SLC45A1: variants seen among roughly 807,000 people sequenced by gnomAD.
SLC45A1 encodes the protein solute carrier family 45 member 1, also known as proton-associated sugar transporter A.
In SLC45A1, 28 loss-of-function variants were observed where a neutral mutation model predicts 57.6. That is an observed-to-expected ratio of 0.49 (90% CI 0.36 to 0.67). SLC45A1 has a LOEUF of 0.67. Among genes scored for constraint, SLC45A1 ranks in the 30% least tolerant of loss-of-function variants. SLC45A1 has a pLI of 0.00. For missense variants in SLC45A1, 814 were observed against 1,041.5 expected (o/e 0.78, Z 3.01); for synonymous variants, 459 against 471.5 (o/e 0.97, Z 0.34).
chr1:8,337,669 C>T (rs1640662754), intron 6 of SLC45A1, 147 bp from the exon 7 acceptor site: 4 of 660,976 alleles, frequency 6.1e-6, no homozygotes, highest in Admixed American at 3.1e-5. Flanking sequence ...CCGCCCGCCT[C>T]AGCCTCCCAA....
At chr1:8,341,093 G>A (rs1254108106) in intron 8 of SLC45A1, among the ~76,000 whole-genome samples, 3 of 151,786 alleles carry the variant, frequency 2.0e-5, no homozygotes. Flanking sequence ...TCGGGAGGCT[G>A]AGGCAGGAGA....
rs565088190 is a variant in SLC45A1 at position 8,330,446 on chromosome 1, C to T, written c.953C>T (p.Pro318Leu). Residue 318 changes from proline to leucine, a missense_variant, in exon 5 of 9, where the codon CCA (proline) becomes CTA (leucine). By Grantham distance (98) the Pro-to-Leu change is moderately conservative. Transcript: ENST00000471889. The surrounding 1 kb of genome is among the most constrained non-coding windows in gnomAD (Gnocchi z 8.4). ...LPLPPSPPVL[P>L]EEGPGDSLPS... is the part of the protein sequence containing the mutation. ...CTGCCCCCGTCCCCACCCGTCCTGC[C>T]AGAGGAAGGCCCTGGCGACAGCCTC... The T allele has an allele frequency of 1.1e-5, 18 of 1,611,876 alleles. No individual in the cohort carries two copies. The East Asian group carries it at 4.0e-4, about 36-fold the overall frequency.
chr1:8,329,405 C>T (rs778303769), intron 4 of SLC45A1, among the ~76,000 whole-genome samples: 31 of 152,228 alleles, frequency 2.0e-4, no homozygotes, highest in Non-Finnish European at 4.6e-4. Flanking sequence ...AACACCGGAT[C>T]CCTGATGGGG....
chr1:8,335,655 T>A lies in SLC45A1; in HGVS notation c.1597+65T>A. 6.7e-7 allele frequency: 1 copy of A among 1,488,626 alleles called. No individual in the cohort carries two copies. The highest frequency in any genetic ancestry group is 8.9e-7 in the Non-Finnish European group (1 of 1,118,514). 92.2% of individuals were successfully genotyped at this position (1,488,626 alleles called of 1,614,324 possible). ...GCTCAGGGCTCTCGCCCCACTGGCCTCCCAGGATGCCCCTGAGCCTCCCTT... is the reference window on the plus strand; with the variant it reads ...GCTCAGGGCTCTCGCCCCACTGGCCACCCAGGATGCCCCTGAGCCTCCCTT... On this transcript the variant is annotated intron_variant, in intron 6 of 8. Transcript: ENST00000471889. This position sits in a 1 kb window ranked among gnomAD's most constrained non-coding sequence, Gnocchi z 4.1.
chr1:8,343,801 C>G lies in SLC45A1; in HGVS notation c.2035C>G (p.Leu679Val). The part of the protein sequence containing the change: ...TRRGMGVDIS[L>V]LSCQYFLAQI... ...GCGGGGCATGGGCGTGGACATCTCT[C>G]TGCTGAGCTGCCAGTACTTCCTGGC... The change falls in exon 9 of 9, where the codon CTG becomes GTG. Residue 679 changes from leucine (L) to valine (V), a missense_variant. By Grantham distance (32) the Leu-to-Val change is conservative. Transcript: ENST00000471889. This position sits in a 1 kb window ranked among gnomAD's most constrained non-coding sequence, Gnocchi z 7.7. 1 of 1,614,144 alleles carries G rather than the reference C, an allele frequency of 6.2e-7. No homozygotes were observed. Among genetic ancestry groups the G allele is most frequent in the South Asian group, 1.1e-5 (1 of 91,080 alleles).
chr1:8,340,432 G>A (rs1640774493), intron 8 of SLC45A1, among the ~76,000 whole-genome samples: 1 of 152,140 alleles, frequency 6.6e-6, no homozygotes, highest in African/African-American at 2.4e-5. Context: ...AAAGTGCTGG[G>A]ATTACAGGCG....
chr1:8,340,651 C>T (rs185447014), intron 8 of SLC45A1, among the ~76,000 whole-genome samples: 147 of 152,274 alleles, frequency 9.7e-4, no homozygotes, highest in Admixed American at 1.3e-3. Flanking sequence ...TTATCACCTC[C>T]CCTTGTTCCT....
At position 8,325,937 on chromosome 1, in the gene SLC45A1, G is replaced by A; in HGVS notation, c.610G>A (p.Asp204Asn). The A allele has an allele frequency of 1.9e-6, 3 of 1,613,876 alleles. No individual in the cohort carries two copies. The highest frequency in any genetic ancestry group is 2.2e-5 in the South Asian group (2 of 91,090). Reference sequence around the variant, plus strand: ...GACCGTGTGCGGTGTGGTGCTGATGGACTTTAGCGCCGACTCGGCGGACAA... The same window carrying A: ...GACCGTGTGCGGTGTGGTGCTGATGAACTTTAGCGCCGACTCGGCGGACAA... ...LLTVCGVVLM[D>N]FSADSADNPS... The change falls in exon 4 of 9, where the codon GAC becomes AAC. Residue 204 changes from aspartate (D) to asparagine (N), a missense_variant. Transcript: ENST00000471889. This position sits in a 1 kb window ranked among gnomAD's most constrained non-coding sequence, Gnocchi z 6.3.
In SLC45A1 at chr1:8,330,986, G is replaced by A. The variant is rs535551148; in HGVS notation, c.1443+50G>A. Reference sequence around the variant, plus strand: ...GAGGCTCAGAGGGTGGCATTCGGGGGTCCCCTGGTCAGTTACATGACAAAG... The same window carrying A: ...GAGGCTCAGAGGGTGGCATTCGGGGATCCCCTGGTCAGTTACATGACAAAG... On this transcript the variant is annotated intron_variant, in intron 5 of 8. Transcript: ENST00000471889. The surrounding 1 kb of genome is among the most constrained non-coding windows in gnomAD (Gnocchi z 8.4). 2.6e-6 allele frequency: 4 copies of A among 1,520,290 alleles called. No homozygotes were observed. The highest frequency in any genetic ancestry group is 2.8e-5 in the African/African-American group (2 of 72,316). 94.2% of individuals were successfully genotyped at this position (1,520,290 alleles called of 1,614,324 possible).
chr1:8,329,513 G>A (rs1640304890), intron 4 of SLC45A1, among the ~76,000 whole-genome samples: 1 of 152,266 alleles, frequency 6.6e-6, no homozygotes, highest in African/African-American at 2.4e-5. Flanking sequence ...AAGCTGCAGT[G>A]TTTGGAGGTA....
intron 5 of SLC45A1, among the ~76,000 whole-genome samples, chr1:8,331,893 C>T (rs932813144): frequency 5.3e-5 from 8 of 151,650 alleles, no homozygotes; most frequent in African/African-American, 1.9e-4. Context: ...CCCGGGTTCA[C>T]GCCATTCTTC....
rs894849394 is a variant in SLC45A1 at position 8,327,211 on chromosome 1, A to G, written c.715+1169A>G. 5.3e-5 allele frequency among the ~76,000 whole-genome samples: 8 copies of G among 149,726 alleles called. No individual in the cohort carries two copies. Among genetic ancestry groups the G allele is most frequent in the African/African-American group, 2.0e-4 (8 of 40,908 alleles). On this transcript the variant is annotated intron_variant, in intron 4 of 8. Coordinates refer to ENST00000471889, the MANE Select transcript of SLC45A1 (RefSeq NM_001080397.3). This position sits in a 1 kb window ranked among gnomAD's most constrained non-coding sequence, Gnocchi z 4.3. ...TTCACAAATACAGAATCTACAGATA[A>G]TGAGGATTGAGTGTGTGTGCATGGA...
chr1:8,342,898 C>CAA (rs111698660), intron 8 of SLC45A1, among the ~76,000 whole-genome samples: 74,271 of 132,562 alleles, frequency 0.56, 22,319 homozygotes, highest in East Asian at 0.83. Flanking sequence ...GACCCTGTCT[C>CAA]AAAAAAAAAA....
intron 1 of SLC45A1, among the ~76,000 whole-genome samples, chr1:8,319,586 G>A (rs189680247): frequency 5.9e-4 from 90 of 152,308 alleles, no homozygotes; most frequent in Middle Eastern, 6.8e-3. Flanking sequence ...TTTTGACCGA[G>A]TAAATGGTCA....
chr1:8,333,956 AG>A (rs1640512194), intron 5 of SLC45A1, among the ~76,000 whole-genome samples: 3 of 152,218 alleles, frequency 2.0e-5, no homozygotes, highest in Admixed American at 2.0e-4. Flanking sequence ...ATCACTGGAG[AG>A]CCAGGAAAGT....
At position 8,343,486 on chromosome 1, in the gene SLC45A1, GA is replaced by G. The variant is rs1180163991; in HGVS notation, c.1981-258del. On this transcript the variant is annotated intron_variant, in intron 8 of 8. Coordinates refer to ENST00000471889, the MANE Select transcript of SLC45A1 (RefSeq NM_001080397.3). The surrounding 1 kb of genome is among the most constrained non-coding windows in gnomAD (Gnocchi z 7.7). ...GGGAAGAGCTCAAGTGCTGAGCGGG[GA>G]AAGTGTCTCCCGCCACCTCGGCCCG... Among the ~76,000 whole-genome samples the G allele has an allele frequency of 6.6e-6, 1 of 152,162 alleles. No homozygotes were observed. The highest frequency in any genetic ancestry group is 1.5e-5 in the Non-Finnish European group (1 of 68,032).
intron 1 of SLC45A1, among the ~76,000 whole-genome samples, chr1:8,323,756 G>T (rs1300547224): frequency 6.6e-6 from 1 of 152,202 alleles, no homozygotes; most frequent in Admixed American, 6.5e-5. Flanking sequence ...CTGGCCTACC[G>T]CGAAGGAGGG....
At position 8,330,542 on chromosome 1, in the gene SLC45A1, GC is replaced by G; in HGVS notation, c.1050del (p.Phe351SerfsTer8). On this transcript the variant is annotated frameshift_variant, in exon 5 of 9. Coordinates refer to ENST00000471889, the MANE Select transcript of SLC45A1 (RefSeq NM_001080397.3). LOFTEE classifies it high-confidence loss of function. The surrounding 1 kb of genome is among the most constrained non-coding windows in gnomAD (Gnocchi z 8.4). ...PPSPLTPKYG[S>X]FISRDSSLTG... is the part of the protein sequence containing the mutation. ...AGCCCCCTCACGCCCAAGTACGGCA[GC>G]TTCATCAGCAGGGACAGCTCCCTGA... 6.2e-7 allele frequency: 1 copy of G among 1,613,362 alleles called. No individual in the cohort carries two copies.
In SLC45A1 at chr1:8,328,839, C is replaced by G. The variant is rs953615459; in HGVS notation, c.716-1370C>G. ...GGGCAATAAGAGTGAAACTCCGTCT[C>G]AAAGAAAAATAATAAATAAAAAATA... is the stretch of plus-strand genomic sequence containing the variant. On this transcript the variant is annotated intron_variant, in intron 4 of 8. Coordinates refer to ENST00000471889, the MANE Select transcript of SLC45A1 (RefSeq NM_001080397.3). This position sits in a 1 kb window ranked among gnomAD's most constrained non-coding sequence, Gnocchi z 4.6. Among the ~76,000 whole-genome samples, 6 of 152,048 alleles carry G rather than the reference C, an allele frequency of 3.9e-5. No individual in the cohort carries two copies. The highest frequency in any genetic ancestry group is 3.3e-4 in the Admixed American group (5 of 15,270).
Sources: gnomAD v4.1 joint callset for allele counts (sites outside exome capture counted in the v4.1 genomes callset) on GRCh38, gnomAD v4.1.1 for gene constraint, Gnocchi (gnomAD v3.1) non-coding constraint, MANE v1.5 for transcripts, NCBI Gene and HGNC (gene_info 2026-07-23, HGNC 2026-07-21) for gene names.